Variants in TBC1D22A observed in about 807,000 individuals in gnomAD.
TBC1D22A encodes putative GTPase activator.
A neutral mutation model predicts 60.2 loss-of-function variants in TBC1D22A; 38 were observed. The ratio of observed to expected loss-of-function variants is 0.63; its 90% CI spans 0.49 to 0.83. The LOEUF (loss-of-function observed/expected upper bound fraction) is 0.83. Ranked by LOEUF, TBC1D22A falls within the 40% of genes least tolerant of loss-of-function variation. The pLI is 0.00. For missense variants in TBC1D22A, 628 were observed against 701.0 expected (o/e 0.90, Z 1.18); for synonymous variants, 302 against 281.7 (o/e 1.07, Z -0.72).
At chr22:46,865,662 GCACAGGCATGTC>G (rs1442108366) in intron 4 of TBC1D22A, among the ~76,000 whole-genome samples, 9 of 152,334 alleles carry the variant, frequency 5.9e-5, no homozygotes, top group Admixed American at 6.5e-5. Context: ...AGATTCCCCT[GCACAGGCATGTC>G]CACAGGGGGT....
In TBC1D22A at chr22:46,793,588, C is replaced by T. The variant is rs758185320; in HGVS notation, c.207C>T (p.Ser69=). The T allele has an allele frequency of 1.5e-5, 25 of 1,613,906 alleles. No individual in the cohort carries two copies. Among genetic ancestry groups the T allele is most frequent in the Admixed American group, 6.7e-5 (4 of 60,006 alleles). ...STFQEFESNT[S]DAWDAGEDDD... is the part of the protein sequence containing the mutation. ...TCCAGGAGTTTGAGAGCAATACCAG[C>T]GATGCCTGGGACGCTGGGGAGGACG... The change falls in exon 3 of 13, where the codon AGC becomes AGT. Residue 69 remains serine, a synonymous_variant. Transcript: ENST00000337137.
At chr22:46,923,012 G>C (rs2070844502) in intron 8 of TBC1D22A, among the ~76,000 whole-genome samples, 1 of 152,136 alleles carries the variant, frequency 6.6e-6, no homozygotes, top group Non-Finnish European at 1.5e-5. Flanking sequence ...GTTTTCAAGG[G>C]GAGTGCTTCC....
chr22:46,999,223 C>T (rs902097514), intron 10 of TBC1D22A, among the ~76,000 whole-genome samples: 2 of 152,200 alleles, frequency 1.3e-5, no homozygotes, highest in Non-Finnish European at 2.9e-5. Context: ...ATTGCGGATT[C>T]GCTGGATGAT....
intron 8 of TBC1D22A, among the ~76,000 whole-genome samples, chr22:46,951,981 A>C (rs1383224934): frequency 1.3e-5 from 2 of 152,228 alleles, no homozygotes; most frequent in South Asian, 4.1e-4. Context: ...TAAGAGCAGA[A>C]GTCACAGAGC....
intron 12 of TBC1D22A, among the ~76,000 whole-genome samples, chr22:47,162,291 G>A (rs530695184): frequency 2.6e-5 from 4 of 151,028 alleles, no homozygotes; most frequent in South Asian, 4.2e-4. Flanking sequence ...AGGCTTTCCC[G>A]CCTCTGAGGG....
At chr22:47,135,639 C>T (rs1296306538) in intron 12 of TBC1D22A, among the ~76,000 whole-genome samples, 2 of 152,224 alleles carry the variant, frequency 1.3e-5, no homozygotes, top group Non-Finnish European at 2.9e-5. Context: ...GGCTGGTAGC[C>T]ATGGTGGGGA....
chr22:46,992,339 G>C (rs932089889), intron 9 of TBC1D22A, among the ~76,000 whole-genome samples: 1 of 152,264 alleles, frequency 6.6e-6, no homozygotes, highest in African/African-American at 2.4e-5. Context: ...AAGCACATTA[G>C]AGACTCAGCA....
At chr22:46,992,617 T>C in intron 9 of TBC1D22A, among the ~76,000 whole-genome samples, 1 of 152,248 alleles carries the variant, frequency 6.6e-6, no homozygotes, top group Non-Finnish European at 1.5e-5. Flanking sequence ...ACATCGATAC[T>C]CAGGACTTGA....
Position 46,790,489 on chromosome 22 carries a change from G to A in TBC1D22A, c.63-2031G>A, listed in dbSNP as rs922689258. ...GATGTGGACGTCTTGGGTGGGGGCCGTTATTCTGCTGACCACACCACCAGA... is the reference window on the plus strand; with the variant it reads ...GATGTGGACGTCTTGGGTGGGGGCCATTATTCTGCTGACCACACCACCAGA... On this transcript the variant is annotated intron_variant, in intron 1 of 12. Transcript: ENST00000337137. 3.3e-5 allele frequency among the ~76,000 whole-genome samples: 5 copies of A among 152,288 alleles called. 1 individual carries two copies. The South Asian group carries it at 8.3e-4, about 25-fold the overall frequency.
chr22:46,790,220 G>A (rs139905759), intron 1 of TBC1D22A, among the ~76,000 whole-genome samples: 124 of 152,360 alleles, frequency 8.1e-4, no homozygotes, highest in East Asian at 5.6e-3. Context: ...AGCCGCCCAC[G>A]TTCCTTGGCA....
chr22:46,998,026 C>T (rs953567815), intron 10 of TBC1D22A, among the ~76,000 whole-genome samples: 2 of 152,042 alleles, frequency 1.3e-5, no homozygotes, highest in African/African-American at 4.8e-5. Flanking sequence ...GGTGGTCCTT[C>T]GGTACTCTGT....
intron 10 of TBC1D22A, among the ~76,000 whole-genome samples, chr22:47,029,032 G>C (rs1274388226): frequency 1.3e-5 from 2 of 152,184 alleles, no homozygotes; most frequent in Non-Finnish European, 2.9e-5. Flanking sequence ...CATGACTTCA[G>C]GTTTGATTAT....
intron 11 of TBC1D22A, among the ~76,000 whole-genome samples, chr22:47,072,491 GA>G (rs2064038392): frequency 6.6e-6 from 1 of 152,362 alleles, no homozygotes; most frequent in Non-Finnish European, 1.5e-5. Context: ...CTTCCCCTGA[GA>G]GCTTGCCTGG....
intron 11 of TBC1D22A, among the ~76,000 whole-genome samples, chr22:47,083,862 C>T (rs183132917): frequency 2.4e-3 from 362 of 152,238 alleles, no homozygotes; most frequent in Non-Finnish European, 3.5e-3. Flanking sequence ...TGGCTGACAA[C>T]GAAAGGATTG....
intron 10 of TBC1D22A, among the ~76,000 whole-genome samples, chr22:47,015,430 G>A (rs1402613752): frequency 6.6e-6 from 1 of 152,160 alleles, no homozygotes; most frequent in Non-Finnish European, 1.5e-5. Context: ...AGGGGGCCAC[G>A]CCCACCCCGT....
At chr22:46,853,945 C>A (rs2147297115) in intron 4 of TBC1D22A, among the ~76,000 whole-genome samples, 1 of 152,314 alleles carries the variant, frequency 6.6e-6, no homozygotes, top group East Asian at 1.9e-4. Flanking sequence ...CATTTTGCAC[C>A]AATGGACACT....
intron 10 of TBC1D22A, among the ~76,000 whole-genome samples, chr22:47,007,315 C>T (rs531294062): frequency 9.2e-5 from 14 of 152,246 alleles, no homozygotes; most frequent in Non-Finnish European, 1.6e-4. Context: ...TGTCCTGCAC[C>T]TCTGCAGAGC....
intron 12 of TBC1D22A, among the ~76,000 whole-genome samples, chr22:47,165,336 A>T (rs547835307): frequency 1.3e-5 from 2 of 152,304 alleles, no homozygotes; most frequent in South Asian, 2.1e-4. Flanking sequence ...ACTCTTGCAG[A>T]TAGAGGGCAG....
rs549507684 is a variant in TBC1D22A at position 46,954,331 on chromosome 22, C to T, written c.1016-19959C>T. Reference sequence around the variant, plus strand: ...TAGATCAGGATTAAGAAACGTGATGCGTGTATGTGAGTACTGCGGTCAACA... The same window carrying T: ...TAGATCAGGATTAAGAAACGTGATGTGTGTATGTGAGTACTGCGGTCAACA... On this transcript the variant is annotated intron_variant, in intron 8 of 12. Coordinates refer to ENST00000337137, the MANE Select transcript of TBC1D22A (RefSeq NM_014346.5). 5.9e-5 allele frequency among the ~76,000 whole-genome samples: 9 copies of T among 152,302 alleles called. No homozygotes were observed. The South Asian group carries it at 1.5e-3, about 25-fold the overall frequency.
Sources: gnomAD v4.1 joint callset for allele counts (sites outside exome capture counted in the v4.1 genomes callset) on GRCh38, gnomAD v4.1.1 for gene constraint, MANE v1.5 for transcripts, NCBI Gene and HGNC (gene_info 2026-07-23, HGNC 2026-07-21) for gene names.